Variants in ATL3 observed in about 807,000 individuals in gnomAD.
ATL3 encodes atlastin GTPase 3.
Under a neutral mutation model 69.5 loss-of-function variants are expected in ATL3, and 49 were observed. The ratio of observed to expected loss-of-function variants is 0.71; its 90% CI spans 0.56 to 0.89. ATL3 has a LOEUF of 0.89. Ranked by LOEUF, ATL3 falls within the 40% of genes least tolerant of loss-of-function variation. ATL3 has a pLI of 0.00. For missense variants in ATL3, 606 were observed against 645.7 expected (o/e 0.94, Z 0.67); for synonymous variants, 214 against 224.1 (o/e 0.95, Z 0.40).
intron 1 of ATL3, among the ~76,000 whole-genome samples, chr11:63,668,549 A>C (rs1448605926): frequency 6.6e-6 from 1 of 152,176 alleles, no homozygotes; most frequent in Middle Eastern, 3.2e-3. Context: ...GGCTGAACAA[A>C]ACCATATTTT....
intron 5 of ATL3, among the ~76,000 whole-genome samples, 164 bp from the exon 6 acceptor site, chr11:63,646,727 C>T (rs1939893370): frequency 6.6e-6 from 1 of 152,166 alleles, no homozygotes; most frequent in Non-Finnish European, 1.5e-5. Flanking sequence ...ATTCCCTGCT[C>T]ACATCCCACA....
intron 8 of ATL3, among the ~76,000 whole-genome samples, chr11:63,641,054 T>C (rs916840681): frequency 6.6e-6 from 1 of 152,226 alleles, no homozygotes; most frequent in Non-Finnish European, 1.5e-5. Flanking sequence ...GCTTTTGTGC[T>C]TTCCTGATTA....
chr11:63,656,731 C>CA (rs34700325), intron 3 of ATL3, among the ~76,000 whole-genome samples: 5,645 of 103,072 alleles, frequency 0.055, 202 homozygotes, highest in African/African-American at 0.13. Flanking sequence ...GACTCCCTCT[C>CA]AAAAAAAAAA....
upstream of ATL3, chr11:63,671,378 AGAG>A: frequency 1.3e-6 from 2 of 1,552,478 alleles, no homozygotes; most frequent in African/African-American, 2.8e-5. Flanking sequence ...GGTGCAGAGG[AGAG>A]GGACGGGTGC....
intron 8 of ATL3, among the ~76,000 whole-genome samples, chr11:63,641,008 C>T (rs78800436): frequency 1.2e-4 from 18 of 152,300 alleles, no homozygotes; most frequent in Admixed American, 3.9e-4. Context: ...GATGCTGCCA[C>T]GTTACAATTC....
At chr11:63,661,306 C>G (rs1441744164) in intron 1 of ATL3, among the ~76,000 whole-genome samples, 2 of 151,820 alleles carry the variant, frequency 1.3e-5, no homozygotes, top group Non-Finnish European at 2.9e-5. Flanking sequence ...TCAAAAAGAT[C>G]TTTAGGTGGT....
intron 11 of ATL3, among the ~76,000 whole-genome samples, chr11:63,631,882 TG>T (rs1302228318): frequency 6.6e-6 from 1 of 152,142 alleles, no homozygotes; most frequent in Non-Finnish European, 1.5e-5. Context: ...CTCAGAAGGC[TG>T]AGGCAGGAGA....
At chr11:63,668,790 CTTTTTTTTTTT>C (rs386373974) in intron 1 of ATL3, among the ~76,000 whole-genome samples, 3 of 81,492 alleles carry the variant, frequency 3.7e-5, no homozygotes, top group South Asian at 9.8e-4. Context: ...AGCTGTGTTC[CTTTTTTTTTTT>C]TTTTTTTTTT....
intron 3 of ATL3, among the ~76,000 whole-genome samples, chr11:63,656,715 CAG>C (rs200326929): frequency 0.011 from 1,567 of 144,690 alleles, 26 homozygotes; most frequent in African/African-American, 0.038. Context: ...GCCTGAGCAA[CAG>C]AGAGACTCCC....
chr11:63,640,594 CTTTTTTTTTTTTT>C (rs1172516886), intron 8 of ATL3, among the ~76,000 whole-genome samples: 1 of 84,346 alleles, frequency 1.2e-5, no homozygotes, highest in Non-Finnish European at 2.2e-5. Flanking sequence ...ACCATAGTAT[CTTTTTTTTTTTTT>C]TTTTTTTTTT....
chr11:63,645,594 ATG>A (rs759726360), intron 6 of ATL3, among the ~76,000 whole-genome samples: 1 of 150,950 alleles, frequency 6.6e-6, no homozygotes, highest in Non-Finnish European at 1.5e-5. Flanking sequence ...GTGAGTGTGT[ATG>A]TGTGTGTTTG....
At chr11:63,637,038 G>C (rs1939543086) in intron 8 of ATL3, among the ~76,000 whole-genome samples, 2 of 152,124 alleles carry the variant, frequency 1.3e-5, no homozygotes, top group African/African-American at 2.4e-5. Flanking sequence ...CAGCACTTTG[G>C]GAGGTCAAGG....
At position 63,625,572 on chromosome 11, in the gene ATL3, G is replaced by C. The variant is rs1939080527; in HGVS notation, c.*3747C>G. 6.6e-6 allele frequency: 1 copy of C among 151,948 alleles called. No homozygotes were observed. The highest frequency in any genetic ancestry group is 2.4e-5 in the African/African-American group (1 of 41,348). 9.4% of individuals were successfully genotyped at this position (151,948 alleles called of 1,614,324 possible). A position where few individuals can be genotyped will look rare whatever the true frequency, so the allele number is the denominator to read the frequency against. On this transcript the variant is annotated 3_prime_UTR_variant, in exon 13 of 13. Coordinates refer to ENST00000398868, the MANE Select transcript of ATL3 (RefSeq NM_015459.5). ...CTTATCCAAACTCACCCTATCCAAG[G>C]CACCATTTTACAAGCCAAGTAGAAC...
At chr11:63,646,636 A>G in intron 5 of ATL3, 73 bp from the exon 6 acceptor site, 1 of 978,654 alleles carries the variant, frequency 1.0e-6, no homozygotes, top group Non-Finnish European at 1.6e-6. Flanking sequence ...TTAGCAAAGT[A>G]TTCATTATAT....
chr11:63,632,429 T>C (rs897858430), intron 11 of ATL3: 2 of 839,028 alleles, frequency 2.4e-6, no homozygotes, highest in Non-Finnish European at 2.1e-6. Context: ...GACATTGTGA[T>C]TGCAAAAAGC....
rs1939113529 is a variant in ATL3, at chr11:63,626,376, T to C, written c.*2943A>G. 6.6e-6 allele frequency: 1 copy of C among 152,102 alleles called. No homozygotes were observed. Among genetic ancestry groups the C allele is most frequent in the African/African-American group, 2.4e-5 (1 of 41,406 alleles). 9.4% of individuals were successfully genotyped at this position (152,102 alleles called of 1,614,324 possible). On this transcript the variant is annotated 3_prime_UTR_variant, in exon 13 of 13. Coordinates refer to ENST00000398868, the MANE Select transcript of ATL3 (RefSeq NM_015459.5). ...CCTGGGCGACAGAGCGAGACCTCTG[T>C]CTCAAAAAATAAAATAAAATAAAAC...
chr11:63,657,498 T>C (rs533931512), intron 3 of ATL3, among the ~76,000 whole-genome samples: 2 of 152,260 alleles, frequency 1.3e-5, no homozygotes, highest in African/African-American at 4.8e-5. Context: ...GCCAGGTCTG[T>C]GCCACCCATA....
At chr11:63,630,448 A>AGG (rs146329136) in intron 12 of ATL3, among the ~76,000 whole-genome samples, 1 of 133,104 alleles carries the variant, frequency 7.5e-6, no homozygotes. Flanking sequence ...AAAAAAAAAA[A>AGG]GTTGCCAAAG....
intron 1 of ATL3, among the ~76,000 whole-genome samples, chr11:63,664,916 T>A (rs1010184673): frequency 5.3e-5 from 8 of 152,042 alleles, no homozygotes; most frequent in Non-Finnish European, 1.2e-4. Flanking sequence ...AATAAACTAT[T>A]GTAAAATGAA....
Sources: gnomAD v4.1 joint callset for allele counts (sites outside exome capture counted in the v4.1 genomes callset) on GRCh38, gnomAD v4.1.1 for gene constraint, MANE v1.5 for transcripts, NCBI Gene and HGNC (gene_info 2026-07-23, HGNC 2026-07-21) for gene names.